The following ATAD1 variants were observed in gnomAD, a reference collection of about 807,000 sequenced individuals.
ATAD1 encodes the protein ATPase family AAA domain containing 1, also known as outer mitochondrial transmembrane helix translocase.
In ATAD1, 18 loss-of-function variants were observed where a neutral mutation model predicts 42.7. That is an observed-to-expected ratio of 0.42 (90% confidence interval 0.29 to 0.63). The LOEUF (loss-of-function observed/expected upper bound fraction) is 0.63, where lower values mean the gene tolerates loss of function less well. Ranked by LOEUF, ATAD1 falls within the 20% of genes least tolerant of loss-of-function variation. ATAD1 has a pLI of 0.19. For missense variants in ATAD1, 294 were observed against 440.4 expected (o/e 0.67, Z 2.98); for synonymous variants, 132 against 143.1 (o/e 0.92, Z 0.55).
chr10:87,790,725 G>A (rs1271791302), intron 3 of ATAD1, among the ~76,000 whole-genome samples: 2 of 152,140 alleles, frequency 1.3e-5, no homozygotes, highest in Admixed American at 1.3e-4. Context: ...AAAATACTCT[G>A]CTGCAAGAAT....
At position 87,770,944 on chromosome 10, in the gene ATAD1, C is replaced by A; in HGVS notation, c.780+8G>T. On this transcript the variant is annotated splice_region_variant and intron_variant, in intron 7 of 9. Transcript: ENST00000680024. ...TAACTCTTCATAATATCAATCAAGA[C>A]CACCTACAGGCTGGTTGATATGAAA... 1.9e-6 allele frequency: 3 copies of A among 1,610,404 alleles called. No individual in the cohort carries two copies. Among genetic ancestry groups the A allele is most frequent in the Non-Finnish European group, 2.5e-6 (3 of 1,177,198 alleles).
chr10:87,792,800 A>T, intron 2 of ATAD1, 45 bp from the exon 3 acceptor site: 1 of 1,390,550 alleles, frequency 7.2e-7, no homozygotes, highest in Non-Finnish European at 1.0e-6. Flanking sequence ...TGATATTTAG[A>T]TACTGGCACT....
chr10:87,838,461 CAAAAAAAAAAAA>C (rs770282016), intron 1 of ATAD1, among the ~76,000 whole-genome samples: 1 of 42,628 alleles, frequency 2.3e-5, no homozygotes, highest in South Asian at 1.2e-3. Flanking sequence ...GACTCTATCT[CAAAAAAAAAAAA>C]AAAAAAAAAA....
At chr10:87,757,031 G>A (rs1854254731) in intron 8 of ATAD1, 109 bp from the exon 9 acceptor site, 1 of 853,850 alleles carries the variant, frequency 1.2e-6, no homozygotes, top group Non-Finnish European at 1.6e-6. Flanking sequence ...CTGCATGGGA[G>A]GAGAAACAAT....
chr10:87,796,977 C>T (rs1456205832), intron 2 of ATAD1, among the ~76,000 whole-genome samples: 3 of 152,086 alleles, frequency 2.0e-5, no homozygotes, highest in African/African-American at 7.2e-5. Context: ...GAAGGTAACT[C>T]CTTTACAGAG....
At chr10:87,772,444 T>C (rs1483772509) in intron 6 of ATAD1, among the ~76,000 whole-genome samples, 1 of 151,982 alleles carries the variant, frequency 6.6e-6, no homozygotes, top group Non-Finnish European at 1.5e-5. Flanking sequence ...TCAATAAAAT[T>C]AATAAAAAAG....
At position 87,798,027 on chromosome 10, in the gene ATAD1, G is replaced by A. The variant is rs907491742; in HGVS notation, c.163-5272C>T. On this transcript the variant is annotated intron_variant, in intron 2 of 9. Coordinates refer to ENST00000680024, the MANE Select transcript of ATAD1 (RefSeq NM_001321967.2). ...GTACAGGGGGTTAACCTCCCTCGAC[G>A]TGCAGTGGCCTTACAAGAAAATCCC... is the stretch of plus-strand genomic sequence containing the variant. 2.6e-4 allele frequency among the ~76,000 whole-genome samples: 39 copies of A among 152,102 alleles called. 1 individual carries two copies. The highest frequency in any genetic ancestry group is 4.6e-4 in the Admixed American group (7 of 15,282).
At chr10:87,782,288 T>G (rs777240929) in intron 5 of ATAD1, among the ~76,000 whole-genome samples, 1 of 152,304 alleles carries the variant, frequency 6.6e-6, no homozygotes, top group Non-Finnish European at 1.5e-5. Flanking sequence ...AATTAACACA[T>G]GTTCACACAC....
At chr10:87,811,639 T>C (rs1160524052) in intron 2 of ATAD1, among the ~76,000 whole-genome samples, 1 of 152,192 alleles carries the variant, frequency 6.6e-6, no homozygotes, top group Non-Finnish European at 1.5e-5. Context: ...ATCTTGATGG[T>C]GGTGAGGGGA....
rs180959490 is a variant in ATAD1 at position 87,800,878 on chromosome 10, G to A, written c.163-8123C>T. On this transcript the variant is annotated intron_variant, in intron 2 of 9. Coordinates refer to ENST00000680024, the MANE Select transcript of ATAD1 (RefSeq NM_001321967.2). ...GCCCAGGGACTATCATAGAAGAGGCGGGCATGTGAAATTGGAAGGCCCAAT... is the reference window on the plus strand; with the variant it reads ...GCCCAGGGACTATCATAGAAGAGGCAGGCATGTGAAATTGGAAGGCCCAAT... Among the ~76,000 whole-genome samples, 30 of 152,232 alleles carry A rather than the reference G, an allele frequency of 2.0e-4. 1 individual carries two copies. In the East Asian group the frequency reaches 2.3e-3, roughly 12 times the overall value.
chr10:87,770,300 T>C (rs1160925919), intron 7 of ATAD1, among the ~76,000 whole-genome samples: 1 of 152,234 alleles, frequency 6.6e-6, no homozygotes, highest in African/African-American at 2.4e-5. Flanking sequence ...AAACCTGTTT[T>C]TTCTTTCCTT....
At chr10:87,836,942 C>T (rs1857941293) in intron 1 of ATAD1, among the ~76,000 whole-genome samples, 1 of 152,188 alleles carries the variant, frequency 6.6e-6, no homozygotes, top group Non-Finnish European at 1.5e-5. Flanking sequence ...TGTTTCCTCT[C>T]TCATCTCCAT....
intron 8 of ATAD1, among the ~76,000 whole-genome samples, chr10:87,761,262 G>A (rs1159928561): frequency 4.6e-5 from 7 of 152,122 alleles, no homozygotes; most frequent in South Asian, 2.1e-4. Context: ...GGGAAATGAC[G>A]AGATGTTCTC....
In ATAD1 at chr10:87,756,796, C is replaced by G; in HGVS notation, c.958G>C (p.Glu320Gln). The stretch of plus-strand genomic sequence containing the variant: ...CAAGTCAAAATAACATACCTTTCTT[C>G]TGATGTAGAATTAACATATTCTCTA... Reference protein sequence around the residue: ...CVREYVNSTSEESHDEDEIRP... With the variant: ...CVREYVNSTSQESHDEDEIRP... Residue 320 changes from glutamate to glutamine, a missense_variant, in exon 9 of 10, where the codon GAA becomes CAA. By Grantham distance (29) the Glu-to-Gln change is conservative. Around this residue, in one of 3 missense-constraint regions of ATAD1, gnomAD observed 142 missense variants for 174.6 expected, o/e 0.81. Transcript: ENST00000680024. The G allele has an allele frequency of 6.3e-7, 1 of 1,598,128 alleles. No homozygotes were observed. Among genetic ancestry groups the G allele is most frequent in the African/African-American group, 1.3e-5 (1 of 74,218 alleles).
At chr10:87,805,645 T>C (rs1236662527) in intron 2 of ATAD1, among the ~76,000 whole-genome samples, 2 of 152,038 alleles carry the variant, frequency 1.3e-5, no homozygotes, top group Non-Finnish European at 2.9e-5. Flanking sequence ...AAAACAACTC[T>C]ACCCTAAAAA....
chr10:87,798,657 T>TGTGTGTGTGTGTGTGTG (rs1349200937), intron 2 of ATAD1, among the ~76,000 whole-genome samples: 13 of 149,980 alleles, frequency 8.7e-5, no homozygotes, highest in South Asian at 2.1e-4. Flanking sequence ...TGTGTGTGTA[T>TGTGTGTGTGTGTGTGTG]TTAAAATGCC....
chr10:87,756,996 T>A, intron 8 of ATAD1, 74 bp from the exon 9 acceptor site: 1 of 1,245,090 alleles, frequency 8.0e-7, no homozygotes, highest in Non-Finnish European at 1.1e-6. Context: ...AACACCCATC[T>A]TAAAGAAAGT....
chr10:87,760,069 T>A (rs898784091), intron 8 of ATAD1, among the ~76,000 whole-genome samples: 1 of 152,208 alleles, frequency 6.6e-6, no homozygotes, highest in Non-Finnish European at 1.5e-5. Context: ...ACTTATGCAG[T>A]TGTTTATTAT....
At chr10:87,837,737 G>T (rs1002291644) in intron 1 of ATAD1, among the ~76,000 whole-genome samples, 2 of 152,150 alleles carry the variant, frequency 1.3e-5, no homozygotes, top group African/African-American at 4.8e-5. Flanking sequence ...AGCAGTGGAA[G>T]GACAGAGAAG....
Sources: gnomAD v4.1 joint callset for allele counts (sites outside exome capture counted in the v4.1 genomes callset) on GRCh38, gnomAD v4.1.1 for gene constraint, gnomAD v4.1.1 regional missense constraint, MANE v1.5 for transcripts, NCBI Gene and HGNC (gene_info 2026-07-23, HGNC 2026-07-21) for gene names.